The following NAALADL2 variants were observed in gnomAD, a reference collection of about 807,000 sequenced individuals.
NAALADL2 encodes the protein inactive N-acetylated-alpha-linked acidic dipeptidase-like protein 2.
In NAALADL2, 76 loss-of-function variants were observed where a neutral mutation model predicts 87.2. The ratio of observed to expected loss-of-function variants is 0.87; its 90% CI spans 0.72 to 1.05. The LOEUF (loss-of-function observed/expected upper bound fraction) is 1.05, where lower values mean the gene tolerates loss of function less well. Among genes scored for constraint, NAALADL2 ranks in the 50% least tolerant of loss-of-function variants. The probability of loss-of-function intolerance (pLI) is 0.00; values close to 1 mark genes in which losing one functional copy is unlikely to be tolerated. For missense variants in NAALADL2, 1,089 were observed against 945.8 expected (o/e 1.15, Z -1.99); for synonymous variants, 354 against 331.0 (o/e 1.07, Z -0.75).
rs1443189360 is a variant in NAALADL2, at chr3:174,788,004, AATAG to A, written c.-9+50265_-9+50268del. ...AGTGCTTGTGATACGGAGATTAGACAATAGATAGATGAGTAGTTAGATGGATAGT... is the reference window on the plus strand; with the variant it reads ...AGTGCTTGTGATACGGAGATTAGACAATAGATGAGTAGTTAGATGGATAGT... On this transcript the variant is annotated intron_variant, in intron 3 of 3. Transcript: ENST00000434257. Among the ~76,000 whole-genome samples the A allele has an allele frequency of 3.9e-5, 6 of 152,184 alleles. No homozygotes were observed. In the South Asian group the frequency reaches 6.2e-4, roughly 16 times the overall value.
chr3:175,223,975 C>T (rs1743790299), intron 2 of NAALADL2, among the ~76,000 whole-genome samples: 1 of 152,086 alleles, frequency 6.6e-6, no homozygotes, highest in Admixed American at 6.6e-5. Flanking sequence ...CAACATATTA[C>T]AATGTTGAAA....
intron 11 of NAALADL2, among the ~76,000 whole-genome samples, chr3:175,681,834 G>A (rs1004498880): frequency 1.3e-5 from 2 of 152,170 alleles, no homozygotes. Context: ...GGCTGATGTA[G>A]AGCTTTGCTG....
intron 1 of NAALADL2, among the ~76,000 whole-genome samples, chr3:174,482,427 A>G (rs1434876376): frequency 6.6e-6 from 1 of 152,030 alleles, no homozygotes; most frequent in Non-Finnish European, 1.5e-5. Flanking sequence ...AATATTATGA[A>G]TGCCCACTGC....
chr3:174,862,798 G>C (rs1032121651), intron 1 of NAALADL2, among the ~76,000 whole-genome samples: 1 of 152,102 alleles, frequency 6.6e-6, no homozygotes, highest in African/African-American at 2.4e-5. Flanking sequence ...CTTGGCACTC[G>C]TGCTGCCTAC....
Position 175,093,414 on chromosome 3 carries a change from T to TATATATATATATATATA in NAALADL2, c.44-3376_44-3375insATATATATATATATATA, listed in dbSNP as rs1553771396. 9.3e-3 allele frequency among the ~76,000 whole-genome samples: 1,090 copies of TATATATATATATATATA among 117,502 alleles called. 8 individuals are homozygous for TATATATATATATATATA. The highest frequency in any genetic ancestry group is 0.013 in the African/African-American group (313 of 24,236). The allele number at this position is 117,502 out of a possible 152,430, so 77.1% of individuals were successfully genotyped here. ...TTTTTTTGTTGAGTTCATTTTATTT[T>TATATATATATATATATA]TTTATATATATATATATATGTTTTA... On this transcript the variant is annotated intron_variant, in intron 1 of 13. Coordinates refer to ENST00000454872, the MANE Select transcript of NAALADL2 (RefSeq NM_207015.3).
intron 2 of NAALADL2, among the ~76,000 whole-genome samples, chr3:174,571,373 G>A (rs955607695): frequency 2.6e-5 from 4 of 152,022 alleles, no homozygotes; most frequent in Admixed American, 1.3e-4. Context: ...ATGCATGCAT[G>A]TAAATTCTTT....
Position 174,536,493 on chromosome 3 carries a change from G to A in NAALADL2, c.-183-14076G>A, listed in dbSNP as rs145605163. The A allele has an allele frequency of 6.0e-4, 92 of 152,194 alleles. No homozygotes were observed. The Middle Eastern group carries it at 0.01, about 17-fold the overall frequency. The allele number at this position is 152,194 out of a possible 1,614,324, so 9.4% of individuals were successfully genotyped here. On this transcript the variant is annotated intron_variant, in intron 1 of 3. Transcript: ENST00000434257. ...CCCTATTCTGTAAGAAGCAACTGTCGTTTTGAGTGAGTGTACTGCCAAAGA... is the reference window on the plus strand; with the variant it reads ...CCCTATTCTGTAAGAAGCAACTGTCATTTTGAGTGAGTGTACTGCCAAAGA...
intron 11 of NAALADL2, among the ~76,000 whole-genome samples, chr3:175,653,993 G>A (rs1479795688): frequency 2.0e-5 from 3 of 152,124 alleles, no homozygotes; most frequent in Non-Finnish European, 4.4e-5. Context: ...CAGGGACAAA[G>A]CATTGATGAA....
At chr3:175,463,329 A>G (rs1444170807) in intron 6 of NAALADL2, 72 bp from the exon 7 acceptor site, 2 of 961,730 alleles carry the variant, frequency 2.1e-6, no homozygotes. Context: ...TATTGGATAA[A>G]ATAAATTTTA....
chr3:175,426,406 T>C (rs1326931710), intron 5 of NAALADL2, among the ~76,000 whole-genome samples: 1 of 152,108 alleles, frequency 6.6e-6, no homozygotes, highest in Non-Finnish European at 1.5e-5. Flanking sequence ...GTTGTATCAT[T>C]GTTATGTATT....
intron 6 of NAALADL2, among the ~76,000 whole-genome samples, chr3:175,453,425 C>T (rs979600162): frequency 2.0e-5 from 3 of 152,054 alleles, no homozygotes; most frequent in Admixed American, 2.0e-4. Flanking sequence ...ATGTCTGTGT[C>T]TCTAAGTTGT....
chr3:175,154,948 TAAATAC>T (rs1159941887), intron 2 of NAALADL2, among the ~76,000 whole-genome samples: 3 of 152,188 alleles, frequency 2.0e-5, no homozygotes, highest in Admixed American at 6.6e-5. Flanking sequence ...AAGCTTTAGT[TAAATAC>T]AAAGGGAGAA....
At chr3:175,037,581 T>C (rs1753567930) in intron 1 of NAALADL2, among the ~76,000 whole-genome samples, 1 of 152,138 alleles carries the variant, frequency 6.6e-6, no homozygotes, top group Non-Finnish European at 1.5e-5. Context: ...CAGAGCTCCA[T>C]GGCAGAGTGA....
intron 8 of NAALADL2, among the ~76,000 whole-genome samples, chr3:175,467,970 C>A (rs149500402): frequency 6.6e-6 from 1 of 151,898 alleles, no homozygotes; most frequent in Non-Finnish European, 1.5e-5. Flanking sequence ...CATATGTAGA[C>A]CAAAAACACT....
At chr3:174,925,870 G>A (rs1412830014) in intron 1 of NAALADL2, among the ~76,000 whole-genome samples, 3 of 152,044 alleles carry the variant, frequency 2.0e-5, no homozygotes, top group South Asian at 2.1e-4. Context: ...TGACTTTGAC[G>A]AGTTGAGAGA....
chr3:174,545,081 G>A (rs937180955), intron 1 of NAALADL2, among the ~76,000 whole-genome samples: 23 of 152,006 alleles, frequency 1.5e-4, no homozygotes, highest in African/African-American at 5.1e-4. Context: ...GTCTTGCCAT[G>A]TTGTCCAGTC....
At chr3:175,426,895 A>C (rs1716873643) in intron 5 of NAALADL2, among the ~76,000 whole-genome samples, 8 of 152,186 alleles carry the variant, frequency 5.3e-5, no homozygotes. Context: ...TGTAGGATGC[A>C]CAATTCCATT....
intron 2 of NAALADL2, among the ~76,000 whole-genome samples, chr3:174,708,852 A>G (rs562296515): frequency 5.3e-5 from 8 of 152,302 alleles, no homozygotes; most frequent in Admixed American, 4.6e-4. Context: ...GGAATTTTCC[A>G]TGATTAAATT....
At chr3:174,853,327 G>A (rs1437559333) in intron 3 of NAALADL2, among the ~76,000 whole-genome samples, 6 of 140,670 alleles carry the variant, frequency 4.3e-5, no homozygotes, top group South Asian at 2.3e-4. Context: ...GCAGTGAGCC[G>A]AGATCATGCC....
Sources: allele counts gnomAD v4.1 joint callset (sites outside exome capture counted in the v4.1 genomes callset), GRCh38; gene constraint gnomAD v4.1.1; transcripts MANE v1.5; gene names NCBI Gene and HGNC (gene_info 2026-07-23, HGNC 2026-07-21).